DNM1L: variants seen among roughly 807,000 people sequenced by gnomAD.
DNM1L encodes dynamin 1L, also known as dynamin-1-like protein.
Under a neutral mutation model 92.8 loss-of-function variants are expected in DNM1L, and 33 were observed. The ratio of observed to expected loss-of-function variants is 0.36; its 90% CI spans 0.27 to 0.48. The LOEUF (loss-of-function observed/expected upper bound fraction) is 0.48, where lower values mean the gene tolerates loss of function less well. DNM1L is among the 20% of genes least tolerant of loss of function. The pLI is 0.99. For missense variants in DNM1L, 485 were observed against 888.8 expected (o/e 0.55, Z 5.78); for synonymous variants, 284 against 305.0 (o/e 0.93, Z 0.72).
rs111373424 is a variant in DNM1L at position 32,743,428 on chromosome 12, TGA to T, written c.*21_*22del. ...TTTGGTGAAGAGAACTATGTAATAC[TGA>T]GACTTTGTTGACTCAAAACTTGCTA... On this transcript the variant is annotated 3_prime_UTR_variant, in exon 20 of 20. Transcript: ENST00000549701. 1 of 1,613,166 alleles carries T rather than the reference TGA, an allele frequency of 6.2e-7. No individual in the cohort carries two copies. Among genetic ancestry groups the T allele is most frequent in the Non-Finnish European group, 8.5e-7 (1 of 1,179,282 alleles).
chr12:32,718,274 T>C (rs1953641501), intron 6 of DNM1L, among the ~76,000 whole-genome samples: 1 of 151,212 alleles, frequency 6.6e-6, no homozygotes, highest in Non-Finnish European at 1.5e-5. Context: ...CCCGAGCAGC[T>C]GGGATTACAG....
chr12:32,733,653 T>C, intron 12 of DNM1L, 62 bp from the exon 13 acceptor site: 1 of 1,378,088 alleles, frequency 7.3e-7, no homozygotes, highest in Non-Finnish European at 1.0e-6. Flanking sequence ...TATATATAAA[T>C]TTCTCAAAGT....
chr12:32,722,394 A>C, intron 8 of DNM1L, 33 bp from the exon 9 acceptor site: 1 of 1,587,728 alleles, frequency 6.3e-7, no homozygotes, highest in Non-Finnish European at 8.6e-7. Context: ...ACACAATTTT[A>C]CTTTTAAATC....
In DNM1L at chr12:32,745,594, G is replaced by C. The variant is rs1032634536; in HGVS notation, c.*2184G>C. The C allele has an allele frequency of 6.6e-6, 1 of 152,344 alleles. No individual in the cohort carries two copies. Among genetic ancestry groups the C allele is most frequent in the Non-Finnish European group, 1.5e-5 (1 of 68,166 alleles). 9.4% of individuals were successfully genotyped at this position (152,344 alleles called of 1,614,324 possible). ...ATTCTTAACTTTTCTCCCAGAGAAA[G>C]GGAGACAAAAGGAGCTTTTTAATAC... is the stretch of plus-strand genomic sequence containing the variant. On this transcript the variant is annotated 3_prime_UTR_variant, in exon 20 of 20. Transcript: ENST00000549701.
At position 32,686,678 on chromosome 12, in the gene DNM1L, A is replaced by G. The variant is rs369390736; in HGVS notation, c.102+7213A>G. ...CCTAGGAGTAAAATTACTGGGTTCT[A>G]TGGTAATTTTGTTTAACTTTTTGAG... is the stretch of plus-strand genomic sequence containing the variant. On this transcript the variant is annotated intron_variant, in intron 1 of 19. Transcript: ENST00000549701. Among the ~76,000 whole-genome samples the G allele has an allele frequency of 7.9e-4, 120 of 152,296 alleles. 1 individual carries two copies. The highest frequency in any genetic ancestry group is 2.7e-3 in the African/African-American group (112 of 41,564).
At chr12:32,718,889 T>C (rs1376871194) in intron 7 of DNM1L, 126 bp downstream of exon 7, 3 of 1,317,742 alleles carry the variant, frequency 2.3e-6, no homozygotes, top group Non-Finnish European at 3.2e-6. Context: ...ATATTTTTTC[T>C]CCCTTTTATT....
intron 1 of DNM1L, among the ~76,000 whole-genome samples, chr12:32,682,255 C>T (rs1014183189): frequency 1.3e-5 from 2 of 152,102 alleles, no homozygotes; most frequent in Non-Finnish European, 2.9e-5. Context: ...GCCTCAGCCT[C>T]CCACATAGCT....
chr12:32,698,747 T>A (rs1013311330), intron 1 of DNM1L, among the ~76,000 whole-genome samples: 6 of 152,240 alleles, frequency 3.9e-5, no homozygotes, highest in African/African-American at 1.4e-4. Context: ...TAGAAATTTT[T>A]AAAATGTATA....
intron 5 of DNM1L, among the ~76,000 whole-genome samples, chr12:32,712,186 C>G (rs1360661358): frequency 3.9e-5 from 6 of 152,146 alleles, no homozygotes; most frequent in Admixed American, 3.3e-4. Flanking sequence ...TTTCTTGGCT[C>G]AAAACTTCTC....
chr12:32,687,502 A>G (rs11052172), intron 1 of DNM1L, among the ~76,000 whole-genome samples: 23,422 of 151,214 alleles, frequency 0.15, 1,912 homozygotes, highest in Middle Eastern at 0.21. Flanking sequence ...GAGTGCAATG[A>G]TGCAGTCTTG....
At chr12:32,733,100 C>G (rs575891333) in intron 12 of DNM1L, among the ~76,000 whole-genome samples, 31 of 148,106 alleles carry the variant, frequency 2.1e-4, no homozygotes, top group Admixed American at 1.0e-3. Context: ...AACTCCGTCT[C>G]AAACAAACAA....
chr12:32,717,910 TATA>T (rs1288855180), intron 6 of DNM1L, among the ~76,000 whole-genome samples: 6 of 80,266 alleles, frequency 7.5e-5, no homozygotes, highest in South Asian at 3.2e-4. Flanking sequence ...ATAGTATATA[TATA>T]AAATATAGTA....
rs978945815 is a variant in DNM1L at position 32,723,965 on chromosome 12, C to T, written c.1079+1332C>T. Among the ~76,000 whole-genome samples, 4 of 152,236 alleles carry T rather than the reference C, an allele frequency of 2.6e-5. No homozygotes were observed. In the East Asian group the frequency reaches 7.7e-4, roughly 29 times the overall value. On this transcript the variant is annotated intron_variant, in intron 9 of 19. Coordinates refer to ENST00000549701, the MANE Select transcript of DNM1L (RefSeq NM_012062.5). ...CTTCTCAAAAAGGAAGTTTTCATCACCTCTAAAAATGAATTCAATGTAATT... is the reference window on the plus strand; with the variant it reads ...CTTCTCAAAAAGGAAGTTTTCATCATCTCTAAAAATGAATTCAATGTAATT...
chr12:32,715,174 A>G (rs1014521813), intron 6 of DNM1L, among the ~76,000 whole-genome samples: 4 of 151,676 alleles, frequency 2.6e-5, no homozygotes, highest in Non-Finnish European at 4.4e-5. Context: ...CCTCACTGCA[A>G]ACTTGCAGTC....
rs61051514 is a variant in DNM1L, at chr12:32,703,614, CAA to C, written c.250+2069_250+2070del. On this transcript the variant is annotated intron_variant, in intron 2 of 19. Transcript: ENST00000549701. ...GAGAAAGGGAAGAAACATAAACTTT[CAA>C]AAAAAAAAAAAAAAAAGAAATCAGT... Among the ~76,000 whole-genome samples the C allele has an allele frequency of 4.6e-3, 396 of 86,864 alleles. 3 individuals are homozygous for C. The highest frequency in any genetic ancestry group is 0.036 in the South Asian group (94 of 2,596). 57.0% of individuals were successfully genotyped at this position (86,864 alleles called of 152,430 possible). A position where few individuals can be genotyped will look rare whatever the true frequency, so the allele number is the denominator to read the frequency against.
chr12:32,685,229 G>A (rs1951960069), intron 1 of DNM1L, among the ~76,000 whole-genome samples: 2 of 152,018 alleles, frequency 1.3e-5, no homozygotes, highest in South Asian at 2.1e-4. Flanking sequence ...GAGCCACCGC[G>A]CCCGGTCAGT....
chr12:32,731,683 A>G lies in DNM1L; in HGVS notation c.1357-171A>G, dbSNP rs551840237. Among the ~76,000 whole-genome samples the G allele has an allele frequency of 6.6e-6, 1 of 152,334 alleles. No individual in the cohort carries two copies. The highest frequency in any genetic ancestry group is 2.4e-5 in the African/African-American group (1 of 41,586). On this transcript the variant is annotated intron_variant, in intron 11 of 19. Transcript: ENST00000549701. This position sits in a 1 kb window ranked among gnomAD's most constrained non-coding sequence, Gnocchi z 5.1. ...TAAATGTAGTCTCCAAATTGAATTC[A>G]GTATTTCTGTGATCATTAAGTAAAA...
At chr12:32,707,478 A>C in intron 3 of DNM1L, 65 bp downstream of exon 3, 1 of 1,175,668 alleles carries the variant, frequency 8.5e-7, no homozygotes, top group Non-Finnish European at 1.2e-6. Context: ...AATACTTGAT[A>C]ATTTAGTTTC....
At chr12:32,686,708 C>T (rs554878929) in intron 1 of DNM1L, among the ~76,000 whole-genome samples, 3 of 152,108 alleles carry the variant, frequency 2.0e-5, no homozygotes, top group South Asian at 2.1e-4. Flanking sequence ...TTTGAGCAAC[C>T]ACTTTTCCAC....
Sources: gnomAD v4.1 joint callset for allele counts (sites outside exome capture counted in the v4.1 genomes callset) on GRCh38, gnomAD v4.1.1 for gene constraint, Gnocchi (gnomAD v3.1) non-coding constraint, MANE v1.5 for transcripts, NCBI Gene and HGNC (gene_info 2026-07-23, HGNC 2026-07-21) for gene names.